SOAT1: variants seen among roughly 807,000 people sequenced by gnomAD.
SOAT1 encodes the protein sterol O-acyltransferase 1.
SOAT1 carries 55 observed loss-of-function variants against 69.5 expected under a neutral mutation model. That is an observed-to-expected ratio of 0.79 (90% CI 0.64 to 0.99). The LOEUF (loss-of-function observed/expected upper bound fraction) is 0.99, where lower values mean the gene tolerates loss of function less well. Ranked by LOEUF, SOAT1 falls within the 50% of genes least tolerant of loss-of-function variation. SOAT1 has a pLI of 0.00. For synonymous variants in SOAT1, 231 were observed against 224.7 expected (o/e 1.03, Z -0.25); for missense variants, 580 against 669.3 (o/e 0.87, Z 1.47).
intron 2 of SOAT1, among the ~76,000 whole-genome samples, chr1:179,318,816 C>T (rs1438106771): frequency 6.6e-6 from 1 of 152,096 alleles, no homozygotes; most frequent in African/African-American, 2.4e-5. Flanking sequence ...ATTGTTAATC[C>T]ATTTTATGGA....
intron 12 of SOAT1, 64 bp from the exon 13 acceptor site, chr1:179,348,779 TG>T (rs1666620104): frequency 2.5e-5 from 3 of 119,386 alleles, no homozygotes; most frequent in Non-Finnish European, 4.5e-5. Context: ...TGTGTGTGTG[TG>T]TGTGTGTGTG....
Position 179,357,927 on chromosome 1 carries a change from A to C in SOAT1, c.*4286A>C, listed in dbSNP as rs907500777. ...TCAGAGCCATGGGCAACAGAGCGAG[A>C]CCCTGTCTCAAAAAAAAAATTACAT... On this transcript the variant is annotated 3_prime_UTR_variant, in exon 16 of 16. Coordinates refer to ENST00000367619, the MANE Select transcript of SOAT1 (RefSeq NM_003101.6). 6.8e-6 allele frequency: 1 copy of C among 146,172 alleles called. No homozygotes were observed. Among genetic ancestry groups the C allele is most frequent in the Non-Finnish European group, 1.5e-5 (1 of 64,862 alleles). The allele number at this position is 146,172 out of a possible 1,614,324, so 9.1% of individuals were successfully genotyped here.
rs546903443 is a variant in SOAT1, at chr1:179,357,971, G to A, written c.*4330G>A. 1 of 152,228 alleles carries A rather than the reference G, an allele frequency of 6.6e-6. No homozygotes were observed. Among genetic ancestry groups the A allele is most frequent in the South Asian group, 2.1e-4 (1 of 4,824 alleles). The allele number at this position is 152,228 out of a possible 1,614,324, so 9.4% of individuals were successfully genotyped here. On this transcript the variant is annotated 3_prime_UTR_variant, in exon 16 of 16. Transcript: ENST00000367619. The stretch of plus-strand genomic sequence containing the variant: ...ATTACATATAAGCCCGGTTTAAAGA[G>A]AGGATAATATGCAACCACCCTAGTT...
intron 4 of SOAT1, among the ~76,000 whole-genome samples, chr1:179,337,618 A>G (rs568434288): frequency 6.6e-6 from 1 of 152,308 alleles, no homozygotes; most frequent in Admixed American, 6.5e-5. Context: ...TACCTGCCTC[A>G]CAGAGAGGGT....
rs1031084624 is a variant in SOAT1 at position 179,358,183 on chromosome 1, T to A, written c.*4542T>A. On this transcript the variant is annotated 3_prime_UTR_variant, in exon 16 of 16. Coordinates refer to ENST00000367619, the MANE Select transcript of SOAT1 (RefSeq NM_003101.6). ...GCTAATTTGGACTTCAGAAAATGGG[T>A]TAATTTCACGAGTGCATATCACTTT... The A allele has an allele frequency of 6.6e-6, 1 of 152,214 alleles. No individual in the cohort carries two copies. Among genetic ancestry groups the A allele is most frequent in the Non-Finnish European group, 1.5e-5 (1 of 68,044 alleles). The allele number at this position is 152,214 out of a possible 1,614,324, so 9.4% of individuals were successfully genotyped here.
rs762911049 is a variant in SOAT1 at position 179,344,352 on chromosome 1, G to GTTTTTTTTTTTTTTTTTTTTTTTTTTTT, written c.988-595_988-594insTTTTTTTTTTTTTTTTTTTTTTTTTTTT. On this transcript the variant is annotated intron_variant, in intron 10 of 15. Transcript: ENST00000367619. ...TATGAAGTAAGTTCTTTCATTAAGG[G>GTTTTTTTTTTTTTTTTTTTTTTTTTTTT]GTTTTTTTTTTTTTTTTTTTTTTTT... 1.7e-5 allele frequency among the ~76,000 whole-genome samples: 2 copies of GTTTTTTTTTTTTTTTTTTTTTTTTTTTT among 120,562 alleles called. 1 individual carries two copies. The highest frequency in any genetic ancestry group is 1.8e-4 in the Admixed American group (2 of 11,360). The allele number at this position is 120,562 out of a possible 152,430, so 79.1% of individuals were successfully genotyped here.
intron 3 of SOAT1, among the ~76,000 whole-genome samples, chr1:179,332,253 G>A (rs945000870): frequency 6.6e-6 from 1 of 152,110 alleles, no homozygotes; most frequent in African/African-American, 2.4e-5. Flanking sequence ...TGCTTAAAAT[G>A]TCATTGGCTT....
chr1:179,350,348 C>T lies in SOAT1; in HGVS notation c.1367C>T (p.Ser456Phe). The T allele has an allele frequency of 6.2e-7, 1 of 1,613,982 alleles. No individual in the cohort carries two copies. The highest frequency in any genetic ancestry group is 8.5e-7 in the Non-Finnish European group (1 of 1,179,926). ...GCCATGTTAGCTGTCTTTGCTGTATCTGCTGTAGTACACGAATATGCCTTG... is the reference window on the plus strand; with the variant it reads ...GCCATGTTAGCTGTCTTTGCTGTATTTGCTGTAGTACACGAATATGCCTTG... ...SAAMLAVFAV[S>F]AVVHEYALAV... is the part of the protein sequence containing the mutation. The change falls in exon 14 of 16, where the codon TCT (serine) becomes TTT (phenylalanine). Residue 456 changes from serine (S) to phenylalanine (F), a missense_variant. By Grantham distance (155) the Ser-to-Phe change is radical (BLOSUM62 -2). Coordinates refer to ENST00000367619, the MANE Select transcript of SOAT1 (RefSeq NM_003101.6).
intron 13 of SOAT1, among the ~76,000 whole-genome samples, chr1:179,349,737 A>G (rs998099575): frequency 6.6e-6 from 1 of 152,166 alleles, no homozygotes; most frequent in Admixed American, 6.5e-5. Flanking sequence ...GACTGATGAG[A>G]TGTAATCTTG....
rs35938597 is a variant in SOAT1 at position 179,325,147 on chromosome 1, A to AT, written c.177+1672dup. ...TCTATTCTTGCAAGTTTAGTGACTA[A>AT]TTTTTTTTTTTTTTTTTTTTGAGAC... On this transcript the variant is annotated intron_variant, in intron 3 of 15. Transcript: ENST00000367619. Among the ~76,000 whole-genome samples, 436 of 96,822 alleles carry AT rather than the reference A, an allele frequency of 4.5e-3. 18 individuals carry two copies. Among genetic ancestry groups the AT allele is most frequent in the African/African-American group, 8.8e-3 (228 of 25,926 alleles). The allele number at this position is 96,822 out of a possible 152,430, so 63.5% of individuals were successfully genotyped here.
At chr1:179,317,694 TCA>T (rs936594452) in intron 2 of SOAT1, among the ~76,000 whole-genome samples, 1 of 152,022 alleles carries the variant, frequency 6.6e-6, no homozygotes, top group African/African-American at 2.4e-5. Flanking sequence ...GTTTTCTGTT[TCA>T]CAGTTTTCAG....
At chr1:179,312,117 T>A (rs965646450) in intron 2 of SOAT1, among the ~76,000 whole-genome samples, 2 of 152,226 alleles carry the variant, frequency 1.3e-5, no homozygotes, top group Non-Finnish European at 2.9e-5. Flanking sequence ...CCAACTACTT[T>A]TGTGAGGAAT....
intron 6 of SOAT1, among the ~76,000 whole-genome samples, chr1:179,340,553 T>C (rs1666297534): frequency 6.6e-6 from 1 of 152,176 alleles, no homozygotes; most frequent in African/African-American, 2.4e-5. Flanking sequence ...AATTATGTAC[T>C]TTTTTTGAAA....
At chr1:179,336,548 A>T (rs910865384) in intron 4 of SOAT1, among the ~76,000 whole-genome samples, 1 of 151,986 alleles carries the variant, frequency 6.6e-6, no homozygotes, top group Non-Finnish European at 1.5e-5. Context: ...TACATGATGA[A>T]TTCATTTAAA....
chr1:179,303,242 G>A (rs1664896712), intron 2 of SOAT1, among the ~76,000 whole-genome samples: 1 of 152,174 alleles, frequency 6.6e-6, no homozygotes, highest in African/African-American at 2.4e-5. Context: ...TTAGCAGGGT[G>A]CCTAACCCAG....
chr1:179,307,566 T>TA lies in SOAT1; in HGVS notation c.118+4773dup, dbSNP rs11324275. On this transcript the variant is annotated intron_variant, in intron 2 of 15. Coordinates refer to ENST00000367619, the MANE Select transcript of SOAT1 (RefSeq NM_003101.6). ...GGCAACATAGTGAGACCCCATCTCT[T>TA]AAAAAAAAATGGTCTTAACTACTGG... is the stretch of plus-strand genomic sequence containing the variant. 7.2e-3 allele frequency among the ~76,000 whole-genome samples: 1,085 copies of TA among 150,328 alleles called. 19 individuals carry two copies. The highest frequency in any genetic ancestry group is 0.024 in the African/African-American group (998 of 40,888).
At chr1:179,335,689 C>T (rs914008484) in intron 4 of SOAT1, 32 bp downstream of exon 4, 2 of 1,598,904 alleles carry the variant, frequency 1.3e-6, no homozygotes, top group African/African-American at 2.7e-5. Flanking sequence ...TTAATGCAAA[C>T]ATCTACTCAG....
At position 179,356,293 on chromosome 1, in the gene SOAT1, CCTT is replaced by C. The variant is rs1465749552; in HGVS notation, c.*2655_*2657del. 6.6e-6 allele frequency: 1 copy of C among 152,032 alleles called. No homozygotes were observed. Among genetic ancestry groups the C allele is most frequent in the Non-Finnish European group, 1.5e-5 (1 of 68,014 alleles). The allele number at this position is 152,032 out of a possible 1,614,324, so 9.4% of individuals were successfully genotyped here. ...CTTTCTCATTAGATCTCTAACTTGA[CCTT>C]CTAGTACCTTTATGTGTGAGGATAA... On this transcript the variant is annotated 3_prime_UTR_variant, in exon 16 of 16. Transcript: ENST00000367619.
At chr1:179,351,021 C>CTTTTTTTTTTT (rs201449849) in intron 14 of SOAT1, among the ~76,000 whole-genome samples, 7 of 127,592 alleles carry the variant, frequency 5.5e-5, no homozygotes, top group South Asian at 2.5e-4. Context: ...ATATTTCTTT[C>CTTTTTTTTTTT]TTTTTTTTTT....
Sources: gnomAD v4.1 joint callset for allele counts (sites outside exome capture counted in the v4.1 genomes callset) on GRCh38, gnomAD v4.1.1 for gene constraint, MANE v1.5 for transcripts, NCBI Gene and HGNC (gene_info 2026-07-23, HGNC 2026-07-21) for gene names.